FRK: variants seen among roughly 807,000 people sequenced by gnomAD.
FRK encodes the protein fyn related Src family tyrosine kinase, also known as tyrosine-protein kinase FRK.
FRK carries 51 observed loss-of-function variants against 56.4 expected under a neutral mutation model. The ratio of observed to expected loss-of-function variants is 0.90; its 90% CI spans 0.72 to 1.14. The LOEUF is 1.14. FRK is among the 50% of genes most tolerant of loss of function. The pLI, the probability that FRK is intolerant of heterozygous loss-of-function variation, is 0.00. For missense variants in FRK, 570 were observed against 601.4 expected, an observed-to-expected ratio of 0.95 and a Z score of 0.55; for synonymous variants, 245 against 217.9, an observed-to-expected ratio of 1.12 and a Z score of -1.10.
At chr6:115,977,412 T>C (rs1774029632) in intron 2 of FRK, among the ~76,000 whole-genome samples, 1 of 152,194 alleles carries the variant, frequency 6.6e-6, no homozygotes, top group South Asian at 2.1e-4. Flanking sequence ...CAACTCAACC[T>C]ATGGGTCTCA....
intron 1 of FRK, among the ~76,000 whole-genome samples, chr6:116,046,626 T>C (rs2114803456): frequency 6.6e-6 from 1 of 151,806 alleles, no homozygotes; most frequent in South Asian, 2.1e-4. Context: ...CACCAGGGCC[T>C]GCAGGGGGGT....
intron 5 of FRK, among the ~76,000 whole-genome samples, chr6:115,954,945 C>T (rs1772926540): frequency 6.6e-6 from 1 of 151,786 alleles, no homozygotes. Context: ...TGTGTTAAGC[C>T]CTCGAGGATT....
In FRK at chr6:115,951,173, A is replaced by G. The variant is rs186593730; in HGVS notation, c.958+5279T>C. On this transcript the variant is annotated intron_variant, in intron 5 of 7. Transcript: ENST00000606080. ...TCCCAGAATTTAAGTATAATCTTAA[A>G]AAATAAAAAAAATTGAAAACAAAAT... is the stretch of plus-strand genomic sequence containing the variant. Among the ~76,000 whole-genome samples, 543 of 152,332 alleles carry G rather than the reference A, an allele frequency of 3.6e-3. 5 individuals are homozygous for G. The highest frequency in any genetic ancestry group is 0.013 in the African/African-American group (525 of 41,564).
intron 1 of FRK, among the ~76,000 whole-genome samples, chr6:116,016,261 G>A (rs1162614836): frequency 6.6e-6 from 1 of 152,104 alleles, no homozygotes; most frequent in Non-Finnish European, 1.5e-5. Flanking sequence ...GTGGCTAAAG[G>A]AGGCCAAAGT....
chr6:116,061,718 G>A (rs1035118224), upstream of FRK, among the ~76,000 whole-genome samples: 1 of 152,108 alleles, frequency 6.6e-6, no homozygotes, highest in African/African-American at 2.4e-5. Context: ...ATCAACGTAC[G>A]GTCATTTATA....
chr6:116,047,336 T>C (rs1335526256), intron 1 of FRK, among the ~76,000 whole-genome samples: 1 of 151,190 alleles, frequency 6.6e-6, no homozygotes, highest in African/African-American at 2.4e-5. Context: ...CAGACATCTG[T>C]AGTTTTTTTA....
the FRK span, among the ~76,000 whole-genome samples, chr6:116,083,139 G>A: frequency 0.015 from 2,307 of 152,218 alleles, 35 homozygotes; most frequent in South Asian, 0.052. Flanking sequence ...GTCAAATGAC[G>A]GTCATGGATA....
chr6:115,960,170 G>A (rs892048041), intron 4 of FRK, among the ~76,000 whole-genome samples: 1 of 151,050 alleles, frequency 6.6e-6, no homozygotes, highest in Non-Finnish European at 1.5e-5. Context: ...GACAGTGGGC[G>A]CAGGCCAGTG....
chr6:115,955,944 C>A (rs990649230), intron 5 of FRK, among the ~76,000 whole-genome samples: 9 of 152,158 alleles, frequency 5.9e-5, no homozygotes, highest in East Asian at 3.8e-4. Context: ...CATATTTCTG[C>A]TTTTTTGTCT....
rs151160060 is a variant in FRK at position 115,942,535 on chromosome 6, A to T, written c.1397T>A (p.Met466Lys). The change falls in exon 8 of 8, where the codon ATG (methionine) becomes AAG (lysine). Residue 466 changes from methionine (M) to lysine (K), a missense_variant. Coordinates refer to ENST00000606080, the MANE Select transcript of FRK (RefSeq NM_002031.3). ...SNCPQQFYNI[M>K]LECWNAEPKE... ...AGGCTCTGCATTCCAGCACTCCAAC[A>T]TGATGTTGTAAAATTGCTGTGGACA... 2.5e-6 allele frequency: 4 copies of T among 1,613,702 alleles called. No individual in the cohort carries two copies. In the African/African-American group the frequency reaches 5.3e-5, roughly 22 times the overall value.
At position 116,058,780 on chromosome 6, in the gene FRK, A is replaced by G. The variant is rs377283702; in HGVS notation, c.344+1188T>C. ...AAAAAAATTAGCCGGGCGTGGTGGC[A>G]GGCGCCTGTAGTCCCAGCTACTTGG... On this transcript the variant is annotated intron_variant, in intron 1 of 7. Coordinates refer to ENST00000606080, the MANE Select transcript of FRK (RefSeq NM_002031.3). Among the ~76,000 whole-genome samples the G allele has an allele frequency of 3.0e-3, 451 of 148,536 alleles. 11 individuals are homozygous for G. In the South Asian group the frequency reaches 0.044, roughly 15 times the overall value.
chr6:116,093,982 G>T, the FRK span, among the ~76,000 whole-genome samples: 2 of 152,174 alleles, frequency 1.3e-5, no homozygotes, highest in Non-Finnish European at 2.9e-5. Context: ...GGAACAGGCT[G>T]AAAAGGAAAA....
upstream of FRK, among the ~76,000 whole-genome samples, chr6:116,064,637 T>G (rs1777724752): frequency 6.6e-6 from 1 of 152,186 alleles, no homozygotes; most frequent in Admixed American, 6.5e-5. Context: ...CCTCTCTTAT[T>G]GCTCCCTGAA....
intron 1 of FRK, among the ~76,000 whole-genome samples, chr6:116,024,692 T>A (rs941373362): frequency 1.3e-5 from 2 of 152,198 alleles, no homozygotes; most frequent in Non-Finnish European, 2.9e-5. Context: ...CGGTTCCAAG[T>A]CTTTGCTATT....
In FRK at chr6:115,939,694, CAGAG is replaced by C. The variant is rs989307892; in HGVS notation, c.*2716_*2719del. Reference sequence around the variant, plus strand: ...CACATTCCTATACACCAATAACAAACAGAGAGCCAAATCATGAGTGAACTCCCAT... The same window carrying C: ...CACATTCCTATACACCAATAACAAACAGCCAAATCATGAGTGAACTCCCAT... On this transcript the variant is annotated 3_prime_UTR_variant, in exon 8 of 8. Coordinates refer to ENST00000606080, the MANE Select transcript of FRK (RefSeq NM_002031.3). The C allele has an allele frequency of 6.6e-6, 1 of 152,106 alleles. No individual in the cohort carries two copies. The highest frequency in any genetic ancestry group is 1.9e-4 in the East Asian group (1 of 5,184). 9.4% of individuals were successfully genotyped at this position (152,106 alleles called of 1,614,324 possible). A position where few individuals can be genotyped will look rare whatever the true frequency, so the allele number is the denominator to read the frequency against.
intron 1 of FRK, among the ~76,000 whole-genome samples, chr6:116,041,550 C>T (rs1445389513): frequency 2.6e-5 from 4 of 152,084 alleles, no homozygotes; most frequent in Admixed American, 1.3e-4. Context: ...CTGAGGTACC[C>T]GGATCATCTC....
At chr6:116,087,379 T>C in the FRK span, among the ~76,000 whole-genome samples, 1 of 152,254 alleles carries the variant, frequency 6.6e-6, no homozygotes, top group Non-Finnish European at 1.5e-5. Context: ...CATACCAGGT[T>C]ATATTTATGC....
At chr6:116,088,748 T>C in the FRK span, among the ~76,000 whole-genome samples, 1 of 152,226 alleles carries the variant, frequency 6.6e-6, no homozygotes, top group Non-Finnish European at 1.5e-5. Flanking sequence ...AATAATAATT[T>C]ATGAATGAAT....
At position 116,054,497 on chromosome 6, in the gene FRK, AC is replaced by A. The variant is rs1562308061; in HGVS notation, c.344+5470del. Among the ~76,000 whole-genome samples the A allele has an allele frequency of 3.5e-5, 5 of 142,604 alleles. No homozygotes were observed. In the East Asian group the frequency reaches 5.9e-4, roughly 17 times the overall value. 93.6% of individuals were successfully genotyped at this position (142,604 alleles called of 152,430 possible). ...TATATAATATATAATAGTATATTAT[AC>A]TATTATAATATTATACTATATATTA... On this transcript the variant is annotated intron_variant, in intron 1 of 7. Transcript: ENST00000606080.
Sources: allele counts gnomAD v4.1 joint callset (sites outside exome capture counted in the v4.1 genomes callset), GRCh38; gene constraint gnomAD v4.1.1; transcripts MANE v1.5; gene names NCBI Gene and HGNC (gene_info 2026-07-23, HGNC 2026-07-21).